The following SYN3 variants were observed in gnomAD, a reference collection of about 807,000 sequenced individuals.
SYN3 encodes synapsin-3.
In SYN3, 35 loss-of-function variants were observed where a neutral mutation model predicts 65.8. The ratio of observed to expected loss-of-function variants is 0.53; its 90% CI spans 0.41 to 0.70. The LOEUF (loss-of-function observed/expected upper bound fraction) is 0.70, where lower values mean the gene tolerates loss of function less well. Ranked by LOEUF, SYN3 falls within the 30% of genes least tolerant of loss-of-function variation. SYN3 has a pLI of 0.00. For synonymous variants in SYN3, 270 were observed against 292.9 expected (o/e 0.92, Z 0.80); for missense variants, 680 against 749.0 (o/e 0.91, Z 1.08).
chr22:32,761,934 T>C (rs1323387108), intron 6 of SYN3, among the ~76,000 whole-genome samples: 2 of 152,014 alleles, frequency 1.3e-5, no homozygotes, highest in African/African-American at 4.8e-5. Context: ...GAAAACGGGG[T>C]CCTGCGGGGC....
intron 4 of SYN3, among the ~76,000 whole-genome samples, chr22:32,908,441 GGTTCGGTGGTATGGTCATAGCTCACT>G (rs2049963222): frequency 2.0e-5 from 3 of 147,352 alleles, no homozygotes; most frequent in South Asian, 4.4e-4. Flanking sequence ...CCCAGGCTGG[GGTTCGGTGGTATGGTCATAGCTCACT>G]GCAACCTTTT....
intron 2 of SYN3, among the ~76,000 whole-genome samples, chr22:32,991,338 A>AAAT (rs60884096): frequency 0.12 from 16,396 of 142,466 alleles, 1,617 homozygotes; most frequent in African/African-American, 0.27. Flanking sequence ...ACTCCATCTC[A>AAAT]AATAATAATA....
chr22:32,597,716 G>A (rs1426411902), intron 6 of SYN3, among the ~76,000 whole-genome samples: 3 of 152,214 alleles, frequency 2.0e-5, no homozygotes, highest in African/African-American at 7.2e-5. Context: ...CTTGAGGACA[G>A]CAGCCTTGCT....
In SYN3 at chr22:32,801,881, C is replaced by T. The variant is rs1172512904; in HGVS notation, c.711+63034G>A. On this transcript the variant is annotated intron_variant, in intron 6 of 13. Transcript: ENST00000358763. The surrounding 1 kb of genome is among the most constrained non-coding windows in gnomAD (Gnocchi z 4.7). ...ACTCGGAGGGCAGCGCGCCGGAGGC[C>T]AAGGTTGCCCCGCACGGCCCGGCGG... 2 of 1,288,972 alleles carry T rather than the reference C, an allele frequency of 1.6e-6. No individual in the cohort carries two copies. The highest frequency in any genetic ancestry group is 2.0e-6 in the Non-Finnish European group (2 of 1,015,344). The allele number at this position is 1,288,972 out of a possible 1,614,324, so 79.8% of individuals were successfully genotyped here.
intron 12 of SYN3, among the ~76,000 whole-genome samples, chr22:32,526,917 G>C (rs937188749): frequency 6.6e-6 from 1 of 152,200 alleles, no homozygotes; most frequent in African/African-American, 2.4e-5. Context: ...GCTGGTGCCA[G>C]AGCGAGTGTG....
chr22:32,883,692 A>G (rs986495482), intron 4 of SYN3, among the ~76,000 whole-genome samples: 3 of 152,244 alleles, frequency 2.0e-5, no homozygotes, highest in Admixed American at 6.5e-5. Flanking sequence ...TTAAAAAAAG[A>G]TAGCTGCTAC....
intron 6 of SYN3, among the ~76,000 whole-genome samples, chr22:32,635,753 G>C (rs1220249092): frequency 6.6e-6 from 1 of 152,132 alleles, no homozygotes; most frequent in Non-Finnish European, 1.5e-5. Flanking sequence ...TCAGATGGAG[G>C]AGACAACTAA....
chr22:32,583,830 A>G (rs1394928996), intron 7 of SYN3: 1 of 152,204 alleles, frequency 6.6e-6, no homozygotes, highest in Non-Finnish European at 1.5e-5. Flanking sequence ...CCTTAGAATC[A>G]TAGGTTTTTG....
chr22:32,684,793 G>C (rs1285713311), intron 6 of SYN3, among the ~76,000 whole-genome samples: 1 of 152,308 alleles, frequency 6.6e-6, no homozygotes, highest in South Asian at 2.1e-4. Context: ...GAAAATGTGG[G>C]TTCAAGTTCC....
chr22:32,711,805 A>T (rs2060969937), intron 6 of SYN3, among the ~76,000 whole-genome samples: 1 of 152,236 alleles, frequency 6.6e-6, no homozygotes, highest in African/African-American at 2.4e-5. Context: ...CATTTCTTGA[A>T]TAATACCAAG....
chr22:32,850,824 G>C (rs1180974578), intron 6 of SYN3, among the ~76,000 whole-genome samples: 1 of 152,204 alleles, frequency 6.6e-6, no homozygotes, highest in Non-Finnish European at 1.5e-5. Context: ...CTCCCCAGAG[G>C]AGACAAGCCG....
At chr22:32,652,278 T>A (rs1265488287) in intron 6 of SYN3, among the ~76,000 whole-genome samples, 1 of 152,018 alleles carries the variant, frequency 6.6e-6, no homozygotes, top group East Asian at 1.9e-4. Flanking sequence ...AGAACTCGTA[T>A]GGGTTCTCAG....
At chr22:32,823,302 C>T (rs550369660) in intron 6 of SYN3, among the ~76,000 whole-genome samples, 1 of 152,204 alleles carries the variant, frequency 6.6e-6, no homozygotes, top group Non-Finnish European at 1.5e-5. Flanking sequence ...TCCTCTCTCT[C>T]CAAGGTCCCT....
chr22:32,955,021 C>T (rs970139308), intron 3 of SYN3, among the ~76,000 whole-genome samples: 5 of 150,946 alleles, frequency 3.3e-5, no homozygotes, highest in Non-Finnish European at 5.9e-5. Flanking sequence ...CTCAGACTTC[C>T]TTTTCTATTC....
At chr22:32,744,941 G>A (rs761902205) in intron 6 of SYN3, among the ~76,000 whole-genome samples, 13 of 152,216 alleles carry the variant, frequency 8.5e-5, no homozygotes, top group South Asian at 2.1e-4. Flanking sequence ...TCTGGAAGGT[G>A]AAGGAAGGAA....
chr22:32,549,330 T>C (rs1198710695), intron 7 of SYN3, among the ~76,000 whole-genome samples: 2 of 152,098 alleles, frequency 1.3e-5, no homozygotes, highest in South Asian at 2.1e-4. Context: ...CATGGCTTAC[T>C]GTAGCTTCAA....
At chr22:32,614,302 G>C (rs1384847801) in intron 6 of SYN3, among the ~76,000 whole-genome samples, 3 of 152,190 alleles carry the variant, frequency 2.0e-5, no homozygotes, top group African/African-American at 7.2e-5. Flanking sequence ...ATCTGCAGCC[G>C]ATGGATGTGT....
chr22:33,024,849 C>T (rs998419348), intron 1 of SYN3, among the ~76,000 whole-genome samples: 1 of 152,126 alleles, frequency 6.6e-6, no homozygotes, highest in Non-Finnish European at 1.5e-5. Flanking sequence ...GGGGAGATGC[C>T]GTTACTGGGC....
At chr22:32,925,717 G>C (rs951399472) in intron 4 of SYN3, among the ~76,000 whole-genome samples, 3 of 152,112 alleles carry the variant, frequency 2.0e-5, no homozygotes, top group Non-Finnish European at 4.4e-5. Flanking sequence ...GAATCACGAG[G>C]GGAGCTTTAA....
Sources: allele counts gnomAD v4.1 joint callset (sites outside exome capture counted in the v4.1 genomes callset), GRCh38; gene constraint gnomAD v4.1.1; non-coding constraint Gnocchi (gnomAD v3.1); transcripts MANE v1.5; gene names NCBI Gene and HGNC (gene_info 2026-07-23, HGNC 2026-07-21).